The following ELMO1 variants were observed in gnomAD, a reference collection of about 807,000 sequenced individuals.
ELMO1 encodes engulfment and cell motility 1, also known as engulfment and cell motility protein 1.
ELMO1 carries 26 observed loss-of-function variants against 98.9 expected under a neutral mutation model. That is an observed-to-expected ratio of 0.26 (90% CI 0.19 to 0.36). ELMO1 has a LOEUF of 0.36. Among genes scored for constraint, ELMO1 ranks in the 10% least tolerant of loss-of-function variants. The pLI, the probability that ELMO1 is intolerant of heterozygous loss-of-function variation, is 1.00. For missense variants in ELMO1, 627 were observed against 935.2 expected (o/e 0.67, Z 4.30); for synonymous variants, 346 against 346.0 (o/e 1.00, Z 0.00).
chr7:37,083,673 C>T (rs1783604162), intron 15 of ELMO1, among the ~76,000 whole-genome samples: 1 of 152,196 alleles, frequency 6.6e-6, no homozygotes, highest in African/African-American at 2.4e-5. Context: ...GTCCTGCTCC[C>T]TGCAGACAGG....
intron 16 of ELMO1, among the ~76,000 whole-genome samples, chr7:36,902,688 C>T (rs1783666342): frequency 6.6e-6 from 1 of 152,170 alleles, no homozygotes; most frequent in South Asian, 2.1e-4. Flanking sequence ...CCATCCGTAA[C>T]TCTGAGGGTG....
At chr7:37,361,733 C>G (rs544364986) in intron 1 of ELMO1, among the ~76,000 whole-genome samples, 1 of 152,234 alleles carries the variant, frequency 6.6e-6, no homozygotes, top group African/African-American at 2.4e-5. Context: ...CCAAGGCCGG[C>G]GGATGGCTTG....
chr7:36,923,554 T>TA (rs1286376205), intron 16 of ELMO1, among the ~76,000 whole-genome samples: 1 of 152,196 alleles, frequency 6.6e-6, no homozygotes, highest in Non-Finnish European at 1.5e-5. Context: ...GTGAAGACTA[T>TA]AGAATTTTCT....
At chr7:37,408,292 C>T (rs1194383173) in intron 1 of ELMO1, among the ~76,000 whole-genome samples, 1 of 152,192 alleles carries the variant, frequency 6.6e-6, no homozygotes, top group Non-Finnish European at 1.5e-5. Context: ...CAGGAAGAAT[C>T]TGGGCAGTCT....
intron 15 of ELMO1, among the ~76,000 whole-genome samples, chr7:37,045,491 C>A (rs1795748711): frequency 1.3e-5 from 2 of 152,128 alleles, no homozygotes; most frequent in South Asian, 4.1e-4. Context: ...CTTTTTCTCC[C>A]AAATCACAAT....
intron 4 of ELMO1, among the ~76,000 whole-genome samples, chr7:37,288,708 C>G (rs1175148410): frequency 1.3e-5 from 2 of 152,192 alleles, no homozygotes; most frequent in Non-Finnish European, 2.9e-5. Context: ...GGCGGAATGA[C>G]TGCCTTAGTG....
intron 1 of ELMO1, among the ~76,000 whole-genome samples, chr7:37,404,818 G>A (rs376269499): frequency 3.3e-5 from 5 of 152,254 alleles, no homozygotes; most frequent in African/African-American, 9.6e-5. Flanking sequence ...GATTGTGGTC[G>A]CAACTGGGTA....
At position 36,984,098 on chromosome 7, in the gene ELMO1, G is replaced by A. The variant is rs376801344; in HGVS notation, c.1437+29201C>T. Among the ~76,000 whole-genome samples, 16 of 152,198 alleles carry A rather than the reference G, an allele frequency of 1.1e-4. No individual in the cohort carries two copies. In the East Asian group the frequency reaches 2.5e-3, roughly 24 times the overall value. On this transcript the variant is annotated intron_variant, in intron 16 of 21. Transcript: ENST00000310758. ...AGTGGGGGAGAGAAGAGGCCAAGGC[G>A]AAATGGACATTGACTCTAACGAGCT...
chr7:36,895,106 C>T, intron 16 of ELMO1, 89 bp from the exon 17 acceptor site: 1 of 1,468,570 alleles, frequency 6.8e-7, no homozygotes, highest in Non-Finnish European at 9.3e-7. Context: ...CCCTGCTTCC[C>T]TGGTGCCCTC....
intron 6 of ELMO1, among the ~76,000 whole-genome samples, chr7:37,246,375 A>G (rs1049434386): frequency 1.3e-5 from 2 of 152,206 alleles, no homozygotes; most frequent in Admixed American, 6.5e-5. Context: ...TCTCCCTACA[A>G]ACTTTTCATG....
intron 13 of ELMO1, among the ~76,000 whole-genome samples, chr7:37,164,964 C>A (rs1436119209): frequency 6.6e-6 from 1 of 151,888 alleles, no homozygotes; most frequent in Non-Finnish European, 1.5e-5. Flanking sequence ...TTCTTCCTAC[C>A]CATGAGCATG....
intron 14 of ELMO1, among the ~76,000 whole-genome samples, chr7:37,120,984 C>T (rs940128218): frequency 1.3e-4 from 20 of 152,334 alleles, no homozygotes; most frequent in South Asian, 2.1e-4. Context: ...CGCTGTTCTG[C>T]AGCCTCCGCT....
chr7:37,314,814 A>G (rs1799070503), intron 4 of ELMO1, 36 bp downstream of exon 4: 5 of 1,577,944 alleles, frequency 3.2e-6, no homozygotes, highest in Non-Finnish European at 4.3e-6. Flanking sequence ...CTTTCCTTCA[A>G]TATGTATCCC....
chr7:37,093,095 T>C (rs770115797), intron 15 of ELMO1, among the ~76,000 whole-genome samples: 13 of 152,056 alleles, frequency 8.5e-5, no homozygotes, highest in Non-Finnish European at 1.8e-4. Flanking sequence ...AGAATGTAAA[T>C]AGACATTATT....
chr7:36,936,881 G>A (rs1225498520), intron 16 of ELMO1, among the ~76,000 whole-genome samples: 18 of 152,306 alleles, frequency 1.2e-4, no homozygotes, highest in African/African-American at 4.3e-4. Flanking sequence ...CTTAACACAG[G>A]ATTAAGTATA....
chr7:37,194,260 A>T (rs1209017171), intron 13 of ELMO1, among the ~76,000 whole-genome samples: 1 of 152,172 alleles, frequency 6.6e-6, no homozygotes, highest in African/African-American at 2.4e-5. Flanking sequence ...AAAAGTCCTG[A>T]CAGTAATTCA....
At chr7:36,977,882 C>A (rs1790699782) in intron 16 of ELMO1, among the ~76,000 whole-genome samples, 1 of 152,162 alleles carries the variant, frequency 6.6e-6, no homozygotes, top group South Asian at 2.1e-4. Context: ...ACACAGATGA[C>A]TTAGTGAATA....
intron 13 of ELMO1, among the ~76,000 whole-genome samples, chr7:37,164,063 T>C (rs1425540638): frequency 6.6e-6 from 1 of 152,212 alleles, no homozygotes; most frequent in Non-Finnish European, 1.5e-5. Context: ...CATTGCGGTT[T>C]TGATTTGCAT....
intron 1 of ELMO1, chr7:37,376,098 C>CAAAA: frequency 3.0e-6 from 1 of 335,728 alleles, no homozygotes; most frequent in South Asian, 2.6e-5. Flanking sequence ...AACAAACAAA[C>CAAAA]AAAAAAAACA....
Sources: gnomAD v4.1 joint callset for allele counts (sites outside exome capture counted in the v4.1 genomes callset) on GRCh38, gnomAD v4.1.1 for gene constraint, MANE v1.5 for transcripts, NCBI Gene and HGNC (gene_info 2026-07-23, HGNC 2026-07-21) for gene names.